The following CD7 variants were observed in gnomAD, a reference collection of about 807,000 sequenced individuals.
CD7 encodes the protein T-cell antigen CD7.
In CD7, 19 loss-of-function variants were observed where a neutral mutation model predicts 17.6. That is an observed-to-expected ratio of 1.08 (90% CI 0.75 to 1.58). The LOEUF is 1.58. CD7 is among the 40% of genes most tolerant of loss of function. The pLI is 0.00. For missense variants in CD7, 291 were observed against 327.1 expected (o/e 0.89, Z 0.85); for synonymous variants, 160 against 159.8 (o/e 1.00, Z -0.01).
At chr17:82,315,531 G>A (rs4530194) in intron 3 of CD7, 100 bp from the exon 4 acceptor site, 16 of 884,118 alleles carry the variant, frequency 1.8e-5, no homozygotes, top group African/African-American at 9.9e-5. Context: ...AGACCCCCAC[G>A]GGGCTCCTCT....
intron 1 of CD7, 174 bp from the exon 2 acceptor site, chr17:82,317,155 TG>T: frequency 1.5e-6 from 1 of 676,068 alleles, no homozygotes; most frequent in Non-Finnish European, 2.5e-6. Flanking sequence ...GCTGTGGTGT[TG>T]GGGGAGGTGC....
chr17:82,315,526 C>T, intron 3 of CD7, 95 bp from the exon 4 acceptor site: 4 of 937,800 alleles, frequency 4.3e-6, no homozygotes, highest in Middle Eastern at 2.1e-4. Context: ...ACACGAGACC[C>T]CCACGGGGCT....
intron 1 of CD7, 46 bp downstream of exon 1, chr17:82,317,368 G>C (rs760830225): frequency 6.7e-7 from 1 of 1,503,698 alleles, no homozygotes; most frequent in South Asian, 1.2e-5. Context: ...CATGGGGCAG[G>C]GAGAGCTCTG....
chr17:82,315,015 C>A lies in CD7; in HGVS notation c.*306G>T. ...AGAGGGCCGCGTGCCCAGGCCCATC[C>A]CACAGAAAAGCCCTCCTTGGCCATG... On this transcript the variant is annotated 3_prime_UTR_variant, in exon 4 of 4. Coordinates refer to ENST00000312648, the MANE Select transcript of CD7 (RefSeq NM_006137.7). 1 of 360,606 alleles carries A rather than the reference C, an allele frequency of 2.8e-6. No individual in the cohort carries two copies. The highest frequency in any genetic ancestry group is 2.6e-5 in the South Asian group (1 of 38,166). 22.3% of individuals were successfully genotyped at this position (360,606 alleles called of 1,614,324 possible).
At chr17:82,317,086 G>C (rs950501178) in intron 1 of CD7, 105 bp from the exon 2 acceptor site, 1 of 1,080,328 alleles carries the variant, frequency 9.3e-7, no homozygotes, top group Non-Finnish European at 1.3e-6. Context: ...GACAGCCCAG[G>C]GCTGACATGT....
In CD7 at chr17:82,315,283, G is replaced by A. The variant is rs1399271756; in HGVS notation, c.*38C>T. On this transcript the variant is annotated 3_prime_UTR_variant, in exon 4 of 4. Transcript: ENST00000312648. ...GGCATGGTGGGGCAGGGAAGGTGCTGGGGGGACCACAGGCGGGACGTGCAG... is the reference window on the plus strand; with the variant it reads ...GGCATGGTGGGGCAGGGAAGGTGCTAGGGGGACCACAGGCGGGACGTGCAG... The A allele has an allele frequency of 2.9e-6, 4 of 1,361,804 alleles. No homozygotes were observed. In the African/African-American group the frequency reaches 4.3e-5, roughly 15 times the overall value. 84.4% of individuals were successfully genotyped at this position (1,361,804 alleles called of 1,614,324 possible). A position where few individuals can be genotyped will look rare whatever the true frequency, so the allele number is the denominator to read the frequency against.
At chr17:82,316,149 G>A in intron 3 of CD7, 46 bp downstream of exon 3, 1 of 1,531,278 alleles carries the variant, frequency 6.5e-7, no homozygotes, top group Non-Finnish European at 8.9e-7. Context: ...TCTCAGGAGA[G>A]GGAACAATCT....
chr17:82,317,346 G>T, intron 1 of CD7, 68 bp downstream of exon 1: 2 of 1,418,382 alleles, frequency 1.4e-6, no homozygotes, highest in African/African-American at 1.4e-5. Flanking sequence ...CTCAGACTGG[G>T]GGCTCTGAGC....
At chr17:82,315,726 T>A in intron 3 of CD7, 2 of 540,522 alleles carry the variant, frequency 3.7e-6, no homozygotes, top group Admixed American at 6.3e-5. Context: ...CCGAGGGGAG[T>A]GGCCACGCCT....
At chr17:82,316,582 A>T (rs749332747) in intron 2 of CD7, 85 bp downstream of exon 2, 1 of 1,425,826 alleles carries the variant, frequency 7.0e-7, no homozygotes, top group East Asian at 2.3e-5. Flanking sequence ...TGTAGGAGGG[A>T]GGGTCCCACG....
In CD7 at chr17:82,317,395, G is replaced by A; in HGVS notation, c.82+19C>T. On this transcript the variant is annotated intron_variant, in intron 1 of 3. Coordinates refer to ENST00000312648, the MANE Select transcript of CD7 (RefSeq NM_006137.7). Reference sequence around the variant, plus strand: ...AGAGCTCTGGAGCTGTGGCCATGGAGAGCCTGGGAAGCTCTTACCTTGGGC... The same window carrying A: ...AGAGCTCTGGAGCTGTGGCCATGGAAAGCCTGGGAAGCTCTTACCTTGGGC... 1 of 1,548,004 alleles carries A rather than the reference G, an allele frequency of 6.5e-7. No individual in the cohort carries two copies. Among genetic ancestry groups the A allele is most frequent in the East Asian group, 2.4e-5 (1 of 41,184 alleles).
At chr17:82,315,865 G>A (rs945728043) in intron 3 of CD7, 7 of 596,458 alleles carry the variant, frequency 1.2e-5, no homozygotes, top group South Asian at 2.1e-5. Flanking sequence ...GTGCACACGC[G>A]GGCCCAGCGC....
At chr17:82,315,975 A>ACGCGGGCC (rs1318087343) in intron 3 of CD7, 27 of 655,616 alleles carry the variant, frequency 4.1e-5, no homozygotes, top group Non-Finnish European at 7.0e-5. Flanking sequence ...ACACGCGCAC[A>ACGCGGGCC]CGCGGGCCCA....
rs569922181 is a variant in CD7 at position 82,316,277 on chromosome 17, G to A, written c.530C>T (p.Ser177Phe). The A allele has an allele frequency of 6.8e-7, 1 of 1,466,690 alleles. No homozygotes were observed. The highest frequency in any genetic ancestry group is 2.3e-5 in the East Asian group (1 of 43,268). The allele number at this position is 1,466,690 out of a possible 1,614,324, so 90.9% of individuals were successfully genotyped here. A position where few individuals can be genotyped will look rare whatever the true frequency, so the allele number is the denominator to read the frequency against. The change falls in exon 3 of 4, where the codon TCT (serine) becomes TTT (phenylalanine). Residue 177 changes from serine (S) to phenylalanine (F), a missense_variant. Ser to Phe is a radical substitution (Grantham distance 155, BLOSUM62 -2). Transcript: ENST00000312648. ...CACCGCCAGGGCCGCAGGGAGGGCA[G>A]AGGCTGCTGGCGGGTCAGGGAGGGC... ...ASALPDPPAA[S>F]ALPAALAVIS...
chr17:82,316,126 C>A, intron 3 of CD7, 69 bp downstream of exon 3: 5 of 1,463,260 alleles, frequency 3.4e-6, no homozygotes, highest in Non-Finnish European at 4.7e-6. Flanking sequence ...GGCTTTGGCG[C>A]CCCCCACGCT....
rs754807783 is a variant in CD7, at chr17:82,317,489, C to T, written c.7G>A (p.Gly3Arg). 20 of 1,566,332 alleles carry T rather than the reference C, an allele frequency of 1.3e-5. No individual in the cohort carries two copies. Among genetic ancestry groups the T allele is most frequent in the South Asian group, 7.0e-5 (6 of 85,366 alleles). The stretch of plus-strand genomic sequence containing the variant: ...GGCAGCAGCAGGAGCCTCGGAGGCC[C>T]GGCCATGTTCCCCACACCCAGCTCT... MA[G>R]PPRLLLLPLL... The change falls in exon 1 of 4, where the codon GGG (glycine) becomes AGG (arginine). Residue 3 changes from glycine to arginine, a missense_variant. Gly to Arg is a moderately radical substitution (Grantham distance 125). Coordinates refer to ENST00000312648, the MANE Select transcript of CD7 (RefSeq NM_006137.7).
chr17:82,316,711 G>C lies in CD7; in HGVS notation c.353C>G (p.Thr118Arg). 6.2e-7 allele frequency: 1 copy of C among 1,613,570 alleles called. No individual in the cohort carries two copies. The highest frequency in any genetic ancestry group is 8.5e-7 in the Non-Finnish European group (1 of 1,180,004). ...DTGTYTCQAI[T>R]EVNVYGSGTL... Reference sequence around the variant, plus strand: ...GCCGGAGCCGTAGACATTGACCTCCGTGATGGCCTGGCAGGTGTAGGTGCC... The same window carrying C: ...GCCGGAGCCGTAGACATTGACCTCCCTGATGGCCTGGCAGGTGTAGGTGCC... Residue 118 changes from threonine (T) to arginine (R), a missense_variant, in exon 2 of 4, where the codon ACG becomes AGG. By Grantham distance (71) the Thr-to-Arg change is moderately conservative. Coordinates refer to ENST00000312648, the MANE Select transcript of CD7 (RefSeq NM_006137.7).
rs1438797602 is a variant in CD7 at position 82,316,914 on chromosome 17, G to T, written c.150C>A (p.Thr50=). Residue 50 remains threonine, a synonymous_variant, in exon 2 of 4, where the codon ACC becomes ACA. Coordinates refer to ENST00000312648, the MANE Select transcript of CD7 (RefSeq NM_006137.7). ...GGTAGATCCCACGCAGGCCCCCGCT[G>T]GTGGAGCAGGTGATGTTGACGGAGG... ...VGASVNITCS[T]SGGLRGIYLR... 1 of 1,611,420 alleles carries T rather than the reference G, an allele frequency of 6.2e-7. No homozygotes were observed. Among genetic ancestry groups the T allele is most frequent in the East Asian group, 2.2e-5 (1 of 44,876 alleles).
At position 82,317,577 on chromosome 17, in the gene CD7, C is replaced by T. The variant is rs2052029934; in HGVS notation, c.-82G>A. On this transcript the variant is annotated 5_prime_UTR_variant, in exon 1 of 4. In the 5' UTR this introduces an upstream ATG that the reference lacks. Transcript: ENST00000312648. Reference sequence around the variant, plus strand: ...ACAGGACCCCACAGAGAGCAGCACACAGGAGACCGCAGGCGCTCAGAGCTC... The same window carrying T: ...ACAGGACCCCACAGAGAGCAGCACATAGGAGACCGCAGGCGCTCAGAGCTC... 1.6e-6 allele frequency: 2 copies of T among 1,257,198 alleles called. No homozygotes were observed. The highest frequency in any genetic ancestry group is 3.0e-5 in the African/African-American group (2 of 66,234). 77.9% of individuals were successfully genotyped at this position (1,257,198 alleles called of 1,614,324 possible). A position where few individuals can be genotyped will look rare whatever the true frequency, so the allele number is the denominator to read the frequency against.
Sources: gnomAD v4.1 joint callset for allele counts on GRCh38, gnomAD v4.1.1 for gene constraint, MANE v1.5 for transcripts, NCBI Gene and HGNC (gene_info 2026-07-23, HGNC 2026-07-21) for gene names.